ZFR: variants seen among roughly 807,000 people sequenced by gnomAD.
ZFR encodes zinc finger RNA binding protein, also known as zinc finger RNA-binding protein.
Under a neutral mutation model 130.7 loss-of-function variants are expected in ZFR, and 19 were observed. The ratio of observed to expected loss-of-function variants is 0.15; its 90% confidence interval spans 0.10 to 0.21. The LOEUF is 0.21. ZFR is among the 10% of genes least tolerant of loss of function. The probability of loss-of-function intolerance (pLI) is 1.00; values close to 1 mark genes in which losing one functional copy is unlikely to be tolerated. For synonymous variants in ZFR, 466 were observed against 456.9 expected (o/e 1.02, Z -0.25); for missense variants, 872 against 1,321.5 (o/e 0.66, Z 5.27).
chr5:32,381,987 C>T (rs1346902418), intron 15 of ZFR, among the ~76,000 whole-genome samples: 1 of 152,078 alleles, frequency 6.6e-6, no homozygotes, highest in African/African-American at 2.4e-5. Flanking sequence ...ACACAAGAGA[C>T]AGCTAACTAT....
intron 17 of ZFR, chr5:32,365,033 A>C (rs932463477): frequency 2.0e-5 from 3 of 152,116 alleles, no homozygotes; most frequent in Admixed American, 1.3e-4. Context: ...GCAACCCCTA[A>C]ATCACTTCCA....
chr5:32,365,089 CAT>C (rs1752513692), intron 17 of ZFR, among the ~76,000 whole-genome samples: 1 of 152,200 alleles, frequency 6.6e-6, no homozygotes, highest in Non-Finnish European at 1.5e-5. Context: ...CAAATGGAAT[CAT>C]GTAATACGTG....
chr5:32,415,515 T>TGCGCGCGC (rs70961629), intron 4 of ZFR, among the ~76,000 whole-genome samples: 13 of 97,934 alleles, frequency 1.3e-4, no homozygotes, highest in Admixed American at 3.7e-4. Context: ...TGTGTGTGTG[T>TGCGCGCGC]GCGCGCGCGC....
intron 5 of ZFR, among the ~76,000 whole-genome samples, chr5:32,412,126 C>A (rs1753727704): frequency 6.6e-6 from 1 of 152,194 alleles, no homozygotes; most frequent in South Asian, 2.1e-4. Flanking sequence ...AGTTGAGCAA[C>A]AGGCCCACAG....
chr5:32,382,969 T>C (rs868560517), intron 15 of ZFR, among the ~76,000 whole-genome samples: 7 of 152,190 alleles, frequency 4.6e-5, no homozygotes, highest in Non-Finnish European at 7.4e-5. Flanking sequence ...AAAATGCTAA[T>C]TCTTATTCTA....
At chr5:32,380,988 C>T (rs573043764) in intron 15 of ZFR, among the ~76,000 whole-genome samples, 8 of 152,048 alleles carry the variant, frequency 5.3e-5, no homozygotes, top group East Asian at 1.9e-4. Flanking sequence ...CTCTCCCTTC[C>T]GCATGAAAAT....
chr5:32,437,816 T>C (rs1754374463), intron 2 of ZFR, among the ~76,000 whole-genome samples: 1 of 152,190 alleles, frequency 6.6e-6, no homozygotes, highest in Admixed American at 6.5e-5. Context: ...CTCAATAATC[T>C]GTCTATCCCT....
intron 5 of ZFR, among the ~76,000 whole-genome samples, chr5:32,414,566 A>C (rs897441179): frequency 1.3e-5 from 2 of 152,240 alleles, no homozygotes; most frequent in Non-Finnish European, 2.9e-5. Flanking sequence ...ATTTCTGATA[A>C]TAAATAGCTC....
rs1057274719 is a variant in ZFR at position 32,415,526 on chromosome 5, G to A, written c.566-339C>T. Reference sequence around the variant, plus strand: ...TGTGTGTGTGTGTGTGCGCGCGCGCGCGCGCGCACTAGTCAGTCTACTTCA... The same window carrying A: ...TGTGTGTGTGTGTGTGCGCGCGCGCACGCGCGCACTAGTCAGTCTACTTCA... On this transcript the variant is annotated intron_variant, in intron 4 of 19. Transcript: ENST00000265069. 1.1e-3 allele frequency among the ~76,000 whole-genome samples: 160 copies of A among 151,426 alleles called. 1 individual carries two copies. The highest frequency in any genetic ancestry group is 3.4e-3 in the Middle Eastern group (1 of 294).
intron 2 of ZFR, among the ~76,000 whole-genome samples, chr5:32,435,453 G>C (rs1421781783): frequency 6.6e-6 from 1 of 152,160 alleles, no homozygotes; most frequent in Non-Finnish European, 1.5e-5. Flanking sequence ...AGGATAACCA[G>C]ATATTCTGAT....
At chr5:32,399,274 C>A (rs867499386) in intron 9 of ZFR, among the ~76,000 whole-genome samples, 5 of 147,806 alleles carry the variant, frequency 3.4e-5, no homozygotes, top group African/African-American at 1.3e-4. Flanking sequence ...GACTCTGTCT[C>A]AAACAAAAAC....
chr5:32,399,109 T>G (rs1013258527), intron 9 of ZFR, among the ~76,000 whole-genome samples: 1 of 151,214 alleles, frequency 6.6e-6, no homozygotes, highest in Non-Finnish European at 1.5e-5. Context: ...CCCCATCTAC[T>G]AAAAAAAATA....
In ZFR at chr5:32,355,345, A is replaced by G. The variant is rs1752281336; in HGVS notation, c.*415T>C. 6.5e-6 allele frequency: 1 copy of G among 153,486 alleles called. No homozygotes were observed. The highest frequency in any genetic ancestry group is 2.0e-4 in the South Asian group (1 of 4,890). 9.5% of individuals were successfully genotyped at this position (153,486 alleles called of 1,614,324 possible). On this transcript the variant is annotated 3_prime_UTR_variant, in exon 20 of 20. Transcript: ENST00000265069. ...TACCATCTATAACAAAGTAACTTAC[A>G]ACTAGTGTCAAAAAGCAAACAAAAC...
At chr5:32,435,422 C>T (rs893056743) in intron 2 of ZFR, among the ~76,000 whole-genome samples, 3 of 152,150 alleles carry the variant, frequency 2.0e-5, no homozygotes, top group African/African-American at 7.2e-5. Flanking sequence ...TGAAACATTA[C>T]AGACTTCTAA....
At chr5:32,401,506 T>G (rs1753447952) in intron 8 of ZFR, among the ~76,000 whole-genome samples, 1 of 152,078 alleles carries the variant, frequency 6.6e-6, no homozygotes, top group African/African-American at 2.4e-5. Flanking sequence ...AAAAATAGCA[T>G]GTACATAAAA....
At chr5:32,415,251 T>A in intron 4 of ZFR, 64 bp from the exon 5 acceptor site, 1 of 1,313,914 alleles carries the variant, frequency 7.6e-7, no homozygotes, top group Non-Finnish European at 1.0e-6. Flanking sequence ...TGTACCAGTA[T>A]CCTTAAAAAG....
intron 17 of ZFR, among the ~76,000 whole-genome samples, chr5:32,368,079 A>G (rs1752585516): frequency 6.6e-6 from 1 of 152,142 alleles, no homozygotes; most frequent in Non-Finnish European, 1.5e-5. Context: ...ACTAGTTTCC[A>G]TGAATATTAG....
At chr5:32,372,779 G>A (rs1752704053) in intron 17 of ZFR, among the ~76,000 whole-genome samples, 1 of 152,028 alleles carries the variant, frequency 6.6e-6, no homozygotes, top group South Asian at 2.1e-4. Context: ...AGGTTACAGT[G>A]AGTTGAGATC....
intron 15 of ZFR, among the ~76,000 whole-genome samples, chr5:32,381,325 A>G (rs901142766): frequency 1.3e-5 from 2 of 152,232 alleles, no homozygotes; most frequent in African/African-American, 4.8e-5. Flanking sequence ...TAAAATGTGT[A>G]TATTAACAGC....
Sources: gnomAD v4.1 joint callset for allele counts (sites outside exome capture counted in the v4.1 genomes callset) on GRCh38, gnomAD v4.1.1 for gene constraint, MANE v1.5 for transcripts, NCBI Gene and HGNC (gene_info 2026-07-23, HGNC 2026-07-21) for gene names.